Variants in DAB1 observed in about 807,000 individuals in gnomAD.
DAB1 encodes the protein disabled homolog 1.
Under a neutral mutation model 64.6 loss-of-function variants are expected in DAB1, and 15 were observed. The ratio of observed to expected loss-of-function variants is 0.23; its 90% CI spans 0.16 to 0.36. The LOEUF is 0.36. DAB1 is among the 10% of genes least tolerant of loss of function. DAB1 has a pLI of 1.00. For missense variants in DAB1, 596 were observed against 706.7 expected, an observed-to-expected ratio of 0.84 and a Z score of 1.78; for synonymous variants, 235 against 251.9, an observed-to-expected ratio of 0.93 and a Z score of 0.64.
chr1:57,436,336 G>A (rs114204337), intron 7 of DAB1, among the ~76,000 whole-genome samples: 156 of 152,250 alleles, frequency 1.0e-3, no homozygotes, highest in African/African-American at 3.6e-3. Context: ...TTTCAGCTCC[G>A]TTACAATCTT....
At chr1:57,051,514 C>T (rs1649186973) in intron 9 of DAB1, among the ~76,000 whole-genome samples, 2 of 152,134 alleles carry the variant, frequency 1.3e-5, no homozygotes, top group African/African-American at 2.4e-5. Flanking sequence ...TGGATTGAAG[C>T]TTCTGACATG....
intron 7 of DAB1, among the ~76,000 whole-genome samples, chr1:57,644,554 T>C (rs1407784887): frequency 7.2e-6 from 1 of 138,832 alleles, no homozygotes; most frequent in African/African-American, 2.6e-5. Context: ...TGTGTGTGTA[T>C]GCATATATAT....
At chr1:57,697,792 G>A (rs762663120) in intron 6 of DAB1, among the ~76,000 whole-genome samples, 10 of 152,056 alleles carry the variant, frequency 6.6e-5, no homozygotes, top group African/African-American at 1.2e-4. Context: ...TGCAATCCAC[G>A]GCACTACTAG....
At chr1:57,478,379 G>C (rs544932866) in intron 7 of DAB1, among the ~76,000 whole-genome samples, 11 of 152,026 alleles carry the variant, frequency 7.2e-5, no homozygotes, top group African/African-American at 2.4e-4. Flanking sequence ...GCTGTCAAAG[G>C]CTACTTTGTT....
chr1:58,079,515 C>CTTTTTTTTT (rs66960756), intron 5 of DAB1, among the ~76,000 whole-genome samples: 3 of 67,840 alleles, frequency 4.4e-5, no homozygotes, highest in Admixed American at 2.2e-4. Context: ...AGCATACCAT[C>CTTTTTTTTT]TTTTTTTTTT....
chr1:58,464,171 G>A lies in DAB1; in HGVS notation n.257+41889C>T, dbSNP rs192506882. Among the ~76,000 whole-genome samples, 8 of 152,296 alleles carry A rather than the reference G, an allele frequency of 5.3e-5. No homozygotes were observed. The East Asian group carries it at 1.5e-3, about 29-fold the overall frequency. On this transcript the variant is annotated intron_variant and non_coding_transcript_variant, in intron 3 of 20. Transcript: ENST00000485760. The stretch of plus-strand genomic sequence containing the variant: ...CAGGCACAGGCAGAATAGCATTTTT[G>A]TTGTTTAATTAGAGATGTTCCGTTA...
intron 4 of DAB1, among the ~76,000 whole-genome samples, chr1:58,297,007 C>T (rs1158831335): frequency 6.6e-6 from 1 of 152,146 alleles, no homozygotes; most frequent in Non-Finnish European, 1.5e-5. Flanking sequence ...AGAGTGCAGC[C>T]TACAATTCCA....
At chr1:58,292,004 A>C (rs576063075) in intron 4 of DAB1, among the ~76,000 whole-genome samples, 1 of 152,340 alleles carries the variant, frequency 6.6e-6, no homozygotes, top group South Asian at 2.1e-4. Flanking sequence ...GCATCATTCA[A>C]TCCATTGAGG....
chr1:57,466,199 C>T (rs1199951002), intron 7 of DAB1, among the ~76,000 whole-genome samples: 1 of 152,156 alleles, frequency 6.6e-6, no homozygotes, highest in Non-Finnish European at 1.5e-5. Context: ...AATATCTCAA[C>T]CCTCCCATAT....
intron 7 of DAB1, among the ~76,000 whole-genome samples, chr1:57,547,760 T>A (rs187384761): frequency 4.6e-5 from 7 of 152,228 alleles, no homozygotes; most frequent in East Asian, 1.9e-4. Context: ...ACGTCTATAG[T>A]TTATTTTGAA....
At chr1:57,060,555 G>A (rs1413747381) in intron 9 of DAB1, among the ~76,000 whole-genome samples, 2 of 152,112 alleles carry the variant, frequency 1.3e-5, no homozygotes, top group Non-Finnish European at 2.9e-5. Context: ...GGACATTCAA[G>A]GAAGTAATAG....
At chr1:58,136,677 C>T (rs1557666696) in intron 5 of DAB1, among the ~76,000 whole-genome samples, 1 of 152,206 alleles carries the variant, frequency 6.6e-6, no homozygotes, top group African/African-American at 2.4e-5. Flanking sequence ...GTTTCCTGAA[C>T]TGATAGCATC....
chr1:57,501,460 A>C (rs575963534), intron 7 of DAB1, among the ~76,000 whole-genome samples: 1 of 152,342 alleles, frequency 6.6e-6, no homozygotes, highest in Non-Finnish European at 1.5e-5. Context: ...TAGAAATAAT[A>C]GATAAGTGTT....
intron 7 of DAB1, among the ~76,000 whole-genome samples, chr1:57,466,490 T>C (rs774065495): frequency 2.6e-5 from 4 of 152,212 alleles, no homozygotes; most frequent in Non-Finnish European, 4.4e-5. Flanking sequence ...CATCTATTAA[T>C]TGCCAAACCT....
At chr1:57,187,493 T>C (rs562240053) in intron 2 of DAB1, among the ~76,000 whole-genome samples, 5 of 152,226 alleles carry the variant, frequency 3.3e-5, no homozygotes, top group Non-Finnish European at 2.9e-5. Flanking sequence ...TGCTATGGGC[T>C]CCTGGAATAG....
intron 4 of DAB1, among the ~76,000 whole-genome samples, chr1:58,275,067 A>T (rs1661408858): frequency 6.6e-6 from 1 of 152,250 alleles, no homozygotes; most frequent in Non-Finnish European, 1.5e-5. Flanking sequence ...GGTGCCAAGA[A>T]CACTTAATAA....
chr1:58,308,509 C>T (rs182851459), intron 4 of DAB1, among the ~76,000 whole-genome samples: 164 of 152,014 alleles, frequency 1.1e-3, no homozygotes, highest in Non-Finnish European at 2.0e-3. Context: ...AGTGGAAGCA[C>T]CTGTCCCTCC....
intron 11 of DAB1, among the ~76,000 whole-genome samples, chr1:57,019,337 T>A (rs192408293): frequency 6.6e-6 from 1 of 152,306 alleles, no homozygotes; most frequent in Middle Eastern, 3.4e-3. Flanking sequence ...GTGGCAGGTT[T>A]TTTTTCCCCT....
At chr1:57,038,891 G>A (rs1361352505) in intron 9 of DAB1, among the ~76,000 whole-genome samples, 2 of 152,178 alleles carry the variant, frequency 1.3e-5, no homozygotes, top group Non-Finnish European at 2.9e-5. Flanking sequence ...AAGAAACGCA[G>A]AACCCAGTGG....
Sources: allele counts gnomAD v4.1 joint callset (sites outside exome capture counted in the v4.1 genomes callset), GRCh38; gene constraint gnomAD v4.1.1; transcripts MANE v1.5; gene names NCBI Gene and HGNC (gene_info 2026-07-23, HGNC 2026-07-21).